Variants in SCAF11 observed in about 807,000 individuals in gnomAD.
SCAF11 encodes the protein protein SCAF11.
In SCAF11, 47 loss-of-function variants were observed where a neutral mutation model predicts 140.5. That is an observed-to-expected ratio of 0.33 (90% CI 0.26 to 0.43). The LOEUF (loss-of-function observed/expected upper bound fraction) is 0.43, where lower values mean the gene tolerates loss of function less well. Among genes scored for constraint, SCAF11 ranks in the 20% least tolerant of loss-of-function variants. The pLI, the probability that SCAF11 is intolerant of heterozygous loss-of-function variation, is 1.00. For synonymous variants in SCAF11, 557 were observed against 579.4 expected (o/e 0.96, Z 0.55); for missense variants, 1,645 against 1,705.1 (o/e 0.96, Z 0.62).
At position 45,945,027 on chromosome 12, in the gene SCAF11, G is replaced by GCA. The variant is rs1456531283; in HGVS notation, c.463+220_463+221dup. ...GAAACACTCTTTTCTCCCAACACAC[G>GCA]CACACACACACCCCTTTTAAGAGGA... On this transcript the variant is annotated intron_variant, in intron 6 of 14. Coordinates refer to ENST00000369367, the MANE Select transcript of SCAF11 (RefSeq NM_004719.3). 3.4e-4 allele frequency: 164 copies of GCA among 475,890 alleles called. 1 individual carries two copies. Among genetic ancestry groups the GCA allele is most frequent in the African/African-American group, 2.7e-3 (132 of 48,518 alleles). The allele number at this position is 475,890 out of a possible 1,614,324, so 29.5% of individuals were successfully genotyped here. A position where few individuals can be genotyped will look rare whatever the true frequency, so the allele number is the denominator to read the frequency against.
chr12:45,981,271 T>C (rs1408534018), intron 1 of SCAF11, among the ~76,000 whole-genome samples: 1 of 152,134 alleles, frequency 6.6e-6, no homozygotes, highest in African/African-American at 2.4e-5. Context: ...GTAAGACATG[T>C]TAATGAGAAA....
intron 4 of SCAF11, among the ~76,000 whole-genome samples, 184 bp downstream of exon 4, chr12:45,951,466 G>A (rs1945547821): frequency 6.6e-6 from 1 of 152,086 alleles, no homozygotes; most frequent in African/African-American, 2.4e-5. Flanking sequence ...GGGGGCAAAT[G>A]AATAAAAGGT....
chr12:45,970,480 GCA>G (rs1399387586), intron 1 of SCAF11, among the ~76,000 whole-genome samples: 1 of 152,234 alleles, frequency 6.6e-6, no homozygotes, highest in African/African-American at 2.4e-5. Flanking sequence ...CTATGGATGA[GCA>G]CTGATATGAT....
At position 45,923,165 on chromosome 12, in the gene SCAF11, G is replaced by A; in HGVS notation, c.3907-11C>T. The A allele has an allele frequency of 6.2e-7, 1 of 1,601,988 alleles. No homozygotes were observed. Among genetic ancestry groups the A allele is most frequent in the Non-Finnish European group, 8.6e-7 (1 of 1,169,190 alleles). The stretch of plus-strand genomic sequence containing the variant: ...AGAACTAGGAATACCCTGTTTTAAA[G>A]AGTTATCATCAGTTAATGAATTACT... On this transcript the variant is annotated splice_polypyrimidine_tract_variant and intron_variant, in intron 12 of 14. Transcript: ENST00000369367.
intron 1 of SCAF11, among the ~76,000 whole-genome samples, chr12:45,964,903 C>T (rs1048432342): frequency 2.0e-5 from 3 of 151,402 alleles, no homozygotes; most frequent in East Asian, 1.9e-4. Flanking sequence ...CACAATTGAG[C>T]GGGTGAGAGA....
At position 45,923,188 on chromosome 12, in the gene SCAF11, A is replaced by T. The variant is rs760228506; in HGVS notation, c.3907-34T>A. On this transcript the variant is annotated intron_variant, in intron 12 of 14. Transcript: ENST00000369367. ...AAGAGTTATCATCAGTTAATGAATT[A>T]CTTGTACTCGATAGAAGTCTTTTAG... 3.2e-6 allele frequency: 5 copies of T among 1,565,608 alleles called. No homozygotes were observed. The African/African-American group carries it at 6.8e-5, about 21-fold the overall frequency.
Position 45,927,827 on chromosome 12 carries a change from T to G in SCAF11, c.1874A>C (p.Gln625Pro), listed in dbSNP as rs996619506. 6.2e-7 allele frequency: 1 copy of G among 1,613,926 alleles called. No individual in the cohort carries two copies. The highest frequency in any genetic ancestry group is 8.5e-7 in the Non-Finnish European group (1 of 1,179,994). ...TTGAACCTCTGGGCTCTTAACAGAT[T>G]GTCTGTCCACTGTCTGTATAATTTC... is the stretch of plus-strand genomic sequence containing the variant. ...EGEIIQTVDRQSVKSPEVQLL... is the reference protein window; with the variant it reads ...EGEIIQTVDRPSVKSPEVQLL... Residue 625 changes from glutamine to proline, a missense_variant, in exon 11 of 15, where the codon CAA (glutamine) becomes CCA (proline). By Grantham distance (76) the Gln-to-Pro change is moderately conservative (BLOSUM62 -1). This residue lies in a region of SCAF11 where 1,582 missense variants were observed against 1,609.2 expected (regional missense o/e 0.98). Coordinates refer to ENST00000369367, the MANE Select transcript of SCAF11 (RefSeq NM_004719.3).
chr12:45,944,359 G>A (rs1945372560), intron 6 of SCAF11, among the ~76,000 whole-genome samples: 2 of 152,114 alleles, frequency 1.3e-5, no homozygotes, highest in African/African-American at 4.8e-5. Flanking sequence ...AAGGCAGAAC[G>A]TTTGTTAATC....
intron 1 of SCAF11, among the ~76,000 whole-genome samples, chr12:45,979,061 C>T (rs1946295654): frequency 6.6e-6 from 1 of 150,742 alleles, no homozygotes; most frequent in Non-Finnish European, 1.5e-5. Flanking sequence ...GTTACTGCAT[C>T]TTCAAGTATT....
intron 1 of SCAF11, among the ~76,000 whole-genome samples, chr12:45,969,657 C>A (rs1946029339): frequency 6.6e-6 from 1 of 152,176 alleles, no homozygotes; most frequent in Non-Finnish European, 1.5e-5. Flanking sequence ...TTCCCTAAAG[C>A]AAATGCAAGG....
At chr12:45,941,733 G>A (rs1945306256) in intron 6 of SCAF11, among the ~76,000 whole-genome samples, 1 of 152,144 alleles carries the variant, frequency 6.6e-6, no homozygotes, top group African/African-American at 2.4e-5. Context: ...CTTCTTTCTT[G>A]TAGCCTATAT....
intron 1 of SCAF11, among the ~76,000 whole-genome samples, chr12:45,989,330 A>G (rs758257504): frequency 2.6e-5 from 4 of 152,264 alleles, no homozygotes; most frequent in Admixed American, 6.5e-5. Context: ...TAACATCAGC[A>G]TCTACTACAC....
Position 45,922,020 on chromosome 12 carries a change from G to A in SCAF11, c.*28C>T. ...TGAAATTGCACTTTGCAGATATCCT[G>A]ATAATGTCCTTGACAGCGTTCCCCA... On this transcript the variant is annotated 3_prime_UTR_variant, in exon 15 of 15. Transcript: ENST00000369367. 1 of 1,597,362 alleles carries A rather than the reference G, an allele frequency of 6.3e-7. No individual in the cohort carries two copies. The highest frequency in any genetic ancestry group is 8.5e-7 in the Non-Finnish European group (1 of 1,174,834).
intron 1 of SCAF11, among the ~76,000 whole-genome samples, chr12:45,972,971 GATATATAGATAT>G (rs1565689304): frequency 8.1e-6 from 1 of 124,038 alleles, no homozygotes; most frequent in East Asian, 2.1e-4. Context: ...TATATATATA[GATATATAGATAT>G]ATAGATATAG....
upstream of SCAF11, among the ~76,000 whole-genome samples, chr12:45,991,058 T>C (rs1369143458): frequency 6.6e-6 from 1 of 152,248 alleles, no homozygotes; most frequent in African/African-American, 2.4e-5. Flanking sequence ...TAATCTGATA[T>C]TGAAAAGAGT....
At chr12:45,928,990 T>A (rs1169134295) in intron 10 of SCAF11, 131 bp from the exon 11 acceptor site, 8 of 478,422 alleles carry the variant, frequency 1.7e-5, no homozygotes, top group Non-Finnish European at 2.5e-5. Context: ...AAACTATTAA[T>A]AAATGCATAG....
intron 1 of SCAF11, among the ~76,000 whole-genome samples, chr12:45,981,396 C>A (rs1156680536): frequency 1.3e-5 from 2 of 152,058 alleles, no homozygotes; most frequent in African/African-American, 4.8e-5. Context: ...AAGAAATAAC[C>A]CTGATATTAA....
At chr12:45,971,542 T>C (rs1946072977) in intron 1 of SCAF11, among the ~76,000 whole-genome samples, 1 of 152,158 alleles carries the variant, frequency 6.6e-6, no homozygotes, top group South Asian at 2.1e-4. Context: ...TCCCCTGGCC[T>C]GGGATTAATA....
At chr12:45,976,485 G>C (rs1946237969) in intron 1 of SCAF11, among the ~76,000 whole-genome samples, 1 of 152,040 alleles carries the variant, frequency 6.6e-6, no homozygotes, top group Admixed American at 6.6e-5. Flanking sequence ...CATAGAGTTT[G>C]GTACTATCTG....
Sources: gnomAD v4.1 joint callset for allele counts (sites outside exome capture counted in the v4.1 genomes callset) on GRCh38, gnomAD v4.1.1 for gene constraint, gnomAD v4.1.1 regional missense constraint, MANE v1.5 for transcripts, NCBI Gene and HGNC (gene_info 2026-07-23, HGNC 2026-07-21) for gene names.